Variants in SBK3 observed in about 807,000 individuals in gnomAD.
SBK3 encodes the protein uncharacterized serine/threonine-protein kinase SBK3.
SBK3 carries 16 observed loss-of-function variants against 12.7 expected under a neutral mutation model. The observed-to-expected ratio is 1.26, with a 90% CI of 0.86 to 1.92. The LOEUF (loss-of-function observed/expected upper bound fraction) is 1.92. Among genes scored for constraint, SBK3 ranks in the 40% most tolerant of loss-of-function variants. The pLI is 0.00. For synonymous variants in SBK3, 217 were observed against 213.6 expected (o/e 1.02, Z -0.14); for missense variants, 462 against 481.8 (o/e 0.96, Z 0.38).
In SBK3 at chr19:55,545,478, C is replaced by T. The variant is rs970944278; in HGVS notation, c.45+21G>A. The T allele has an allele frequency of 8.6e-6, 13 of 1,518,762 alleles. No homozygotes were observed. Among genetic ancestry groups the T allele is most frequent in the Non-Finnish European group, 1.1e-5 (12 of 1,132,014 alleles). The allele number at this position is 1,518,762 out of a possible 1,614,324, so 94.1% of individuals were successfully genotyped here. On this transcript the variant is annotated intron_variant, in intron 1 of 3. Transcript: ENST00000612221. The surrounding 1 kb of genome is among the most constrained non-coding windows in gnomAD (Gnocchi z 4.4). Reference sequence around the variant, plus strand: ...CCTTCTTTTCTCTCTCTGTCTTCCTCCCCTGGCTCCCGTCTCTCACCTCTG... The same window carrying T: ...CCTTCTTTTCTCTCTCTGTCTTCCTTCCCTGGCTCCCGTCTCTCACCTCTG...
chr19:55,544,274 A>T lies in SBK3; in HGVS notation c.225T>A (p.Arg75=). 6.5e-7 allele frequency: 1 copy of T among 1,535,964 alleles called. No individual in the cohort carries two copies. The highest frequency in any genetic ancestry group is 2.4e-5 in the East Asian group (1 of 40,912). ...AGGTGCTTCTCAGGACCAAATCCCGACGCAGGAGCTTCAGAGCCACAGCTG... is the reference window on the plus strand; with the variant it reads ...AGGTGCTTCTCAGGACCAAATCCCGTCGCAGGAGCTTCAGAGCCACAGCTG... ...GGPAVALKLL[R]RDLVLRSTFL... The change falls in exon 3 of 4, where the codon CGT becomes CGA. Residue 75 remains arginine, a synonymous_variant. Transcript: ENST00000612221.
In SBK3 at chr19:55,544,870, T is replaced by C. The variant is rs1988637785; in HGVS notation, c.125A>G (p.Gln42Arg). The C allele has an allele frequency of 6.5e-7, 1 of 1,534,384 alleles. No homozygotes were observed. Residue 42 changes from glutamine (Q) to arginine (R), a missense_variant, in exon 2 of 4, where the codon CAG becomes CGG. Transcript: ENST00000612221. Reference sequence around the variant, plus strand: ...GCCCAGCTTCCGGATGAGGTGGTACTGGTCCCGAAGGCTCCTCACCGGGGT... The same window carrying C: ...GCCCAGCTTCCGGATGAGGTGGTACCGGTCCCGAAGGCTCCTCACCGGGGT... ...RVTPVRSLRDQYHLIRKLGSG... is the reference protein window; with the variant it reads ...RVTPVRSLRDRYHLIRKLGSG...
Position 55,540,921 on chromosome 19 carries a change from G to A in SBK3, c.1005C>T (p.Ser335=). The part of the protein sequence containing the change: ...SYEDREEGGS[S]LEEWTDEGDD... The stretch of plus-strand genomic sequence containing the variant: ...CACCCTCATCTGTCCACTCCTCCAG[G>A]CTTGAGCCTCCCTCCTCCCTGTCCT... The change falls in exon 4 of 4, where the codon AGC becomes AGT. Residue 335 remains serine (S), a synonymous_variant. Coordinates refer to ENST00000612221, the MANE Select transcript of SBK3 (RefSeq NM_001199824.2). The A allele has an allele frequency of 6.5e-7, 1 of 1,536,126 alleles. No homozygotes were observed. The highest frequency in any genetic ancestry group is 8.7e-7 in the Non-Finnish European group (1 of 1,146,888).
At position 55,545,043 on chromosome 19, in the gene SBK3, T is replaced by TG. The variant is rs1229255816; in HGVS notation, c.46-95dup. 4 of 953,954 alleles carry TG rather than the reference T, an allele frequency of 4.2e-6. No individual in the cohort carries two copies. In the East Asian group the frequency reaches 1.1e-4, roughly 26 times the overall value. The allele number at this position is 953,954 out of a possible 1,614,324, so 59.1% of individuals were successfully genotyped here. A position where few individuals can be genotyped will look rare whatever the true frequency, so the allele number is the denominator to read the frequency against. ...CACGGCGCAGCCCCAGGATGGAGGG[T>TG]GGGGCAGGGGACAGGGGTCACTGTC... On this transcript the variant is annotated intron_variant, in intron 1 of 3. Transcript: ENST00000612221. The surrounding 1 kb of genome is among the most constrained non-coding windows in gnomAD (Gnocchi z 4.4).
At position 55,544,761 on chromosome 19, in the gene SBK3, G is replaced by T. The variant is rs577735957; in HGVS notation, c.196+38C>A. 4 of 1,453,662 alleles carry T rather than the reference G, an allele frequency of 2.8e-6. No homozygotes were observed. In the South Asian group the frequency reaches 5.5e-5, roughly 20 times the overall value. The allele number at this position is 1,453,662 out of a possible 1,614,324, so 90.0% of individuals were successfully genotyped here. A position where few individuals can be genotyped will look rare whatever the true frequency, so the allele number is the denominator to read the frequency against. ...TGGCTTCCGAGAATGCTTATTGTGG[G>T]GCAGTTGGGGAGGCTGCCCTTGGGT... is the stretch of plus-strand genomic sequence containing the variant. On this transcript the variant is annotated intron_variant, in intron 2 of 3. Transcript: ENST00000612221.
In SBK3 at chr19:55,541,246, C is replaced by T; in HGVS notation, c.680G>A (p.Gly227Asp). Residue 227 changes from glycine (G) to aspartate (D), a missense_variant, in exon 4 of 4, where the codon GGC becomes GAC. Transcript: ENST00000612221. The surrounding 1 kb of genome is among the most constrained non-coding windows in gnomAD (Gnocchi z 5.3). ...LPLRPAVDSWGLGVLLFCAAT... is the reference protein window; with the variant it reads ...LPLRPAVDSWDLGVLLFCAAT... ...AGCACAGAAGAGAAGCACCCCCAGG[C>T]CCCAGGAGTCCACGGCTGGCCGCAG... The T allele has an allele frequency of 6.5e-7, 1 of 1,536,054 alleles. No individual in the cohort carries two copies. The highest frequency in any genetic ancestry group is 8.7e-7 in the Non-Finnish European group (1 of 1,146,880).
intron 3 of SBK3, 77 bp downstream of exon 3, chr19:55,544,023 T>C: frequency 7.9e-7 from 1 of 1,269,492 alleles, no homozygotes; most frequent in Non-Finnish European, 1.0e-6. Context: ...GGGGTCAGAG[T>C]TGGAGACAGA....
rs1397018504 is a variant in SBK3, at chr19:55,544,852, T to G, written c.143A>C (p.Lys48Thr). 16 of 1,532,640 alleles carry G rather than the reference T, an allele frequency of 1.0e-5. No individual in the cohort carries two copies. The highest frequency in any genetic ancestry group is 1.4e-5 in the Non-Finnish European group (16 of 1,145,588). 94.9% of individuals were successfully genotyped at this position (1,532,640 alleles called of 1,614,324 possible). A position where few individuals can be genotyped will look rare whatever the true frequency, so the allele number is the denominator to read the frequency against. Residue 48 changes from lysine to threonine, a missense_variant, in exon 2 of 4, where the codon AAG (lysine) becomes ACG (threonine). By Grantham distance (78) the Lys-to-Thr change is moderately conservative (BLOSUM62 -1). Transcript: ENST00000612221. Reference sequence around the variant, plus strand: ...GCGGCCGTAGGAGCCGGAGCCCAGCTTCCGGATGAGGTGGTACTGGTCCCG... The same window carrying G: ...GCGGCCGTAGGAGCCGGAGCCCAGCGTCCGGATGAGGTGGTACTGGTCCCG... ...SLRDQYHLIR[K>T]LGSGSYGRVL...
In SBK3 at chr19:55,545,436, G is replaced by T; in HGVS notation, c.45+63C>A. 2 of 1,311,772 alleles carry T rather than the reference G, an allele frequency of 1.5e-6. No individual in the cohort carries two copies. The highest frequency in any genetic ancestry group is 1.3e-5 in the South Asian group (1 of 78,362). 81.3% of individuals were successfully genotyped at this position (1,311,772 alleles called of 1,614,324 possible). The stretch of plus-strand genomic sequence containing the variant: ...TTCTCTTCCTCTCTCTCCCCGTGTT[G>T]CCTCCTGCCTCTCTCTCCTTCTTTT... On this transcript the variant is annotated intron_variant, in intron 1 of 3. Coordinates refer to ENST00000612221, the MANE Select transcript of SBK3 (RefSeq NM_001199824.2). The surrounding 1 kb of genome is among the most constrained non-coding windows in gnomAD (Gnocchi z 4.4).
rs1436892066 is a variant in SBK3 at position 55,545,504 on chromosome 19, G to A, written c.40C>T (p.Pro14Ser). 1 of 1,532,956 alleles carries A rather than the reference G, an allele frequency of 6.5e-7. No homozygotes were observed. Among genetic ancestry groups the A allele is most frequent in the South Asian group, 1.2e-5 (1 of 83,816 alleles). The allele number at this position is 1,532,956 out of a possible 1,614,324, so 95.0% of individuals were successfully genotyped here. A position where few individuals can be genotyped will look rare whatever the true frequency, so the allele number is the denominator to read the frequency against. Reference protein sequence around the residue: ...RASETPEDGDPEEDTATALQR... With the variant: ...RASETPEDGDSEEDTATALQR... ...CCCTGGCTCCCGTCTCTCACCTCTG[G>A]GTCCCCATCCTCAGGGGTCTCGGAG... The change falls in exon 1 of 4, where the codon CCA becomes TCA. Residue 14 changes from proline to serine, a missense_variant. Pro to Ser is a moderately conservative substitution (Grantham distance 74). Coordinates refer to ENST00000612221, the MANE Select transcript of SBK3 (RefSeq NM_001199824.2). The surrounding 1 kb of genome is among the most constrained non-coding windows in gnomAD (Gnocchi z 4.4).
chr19:55,542,444 C>T (rs1407837237), intron 3 of SBK3, among the ~76,000 whole-genome samples: 1 of 149,234 alleles, frequency 6.7e-6, no homozygotes, highest in Non-Finnish European at 1.5e-5. Context: ...ATCCATCCAC[C>T]ACTCACTCAC....
In SBK3 at chr19:55,541,540, G is replaced by C. The variant is rs1350250998; in HGVS notation, c.400-14C>G. 6.7e-7 allele frequency: 1 copy of C among 1,491,788 alleles called. No individual in the cohort carries two copies. Among genetic ancestry groups the C allele is most frequent in the East Asian group, 2.5e-5 (1 of 40,338 alleles). The allele number at this position is 1,491,788 out of a possible 1,614,324, so 92.4% of individuals were successfully genotyped here. A position where few individuals can be genotyped will look rare whatever the true frequency, so the allele number is the denominator to read the frequency against. ...TTCTGGGAGGCCCTGAGGTCAAGAA[G>C]ACAGGAGGAGGGTCAGAGTGTCTTG... is the stretch of plus-strand genomic sequence containing the variant. On this transcript the variant is annotated splice_polypyrimidine_tract_variant and intron_variant, in intron 3 of 3. Transcript: ENST00000612221. The surrounding 1 kb of genome is among the most constrained non-coding windows in gnomAD (Gnocchi z 5.3).
Position 55,541,132 on chromosome 19 carries a change from G to A in SBK3, c.794C>T (p.Pro265Leu). 6.5e-7 allele frequency: 1 copy of A among 1,535,802 alleles called. No homozygotes were observed. Among genetic ancestry groups the A allele is most frequent in the African/African-American group, 1.4e-5 (1 of 73,148 alleles). Residue 265 changes from proline to leucine, a missense_variant, in exon 4 of 4, where the codon CCA becomes CTA. Pro to Leu is a moderately conservative substitution (Grantham distance 98). Coordinates refer to ENST00000612221, the MANE Select transcript of SBK3 (RefSeq NM_001199824.2). This position sits in a 1 kb window ranked among gnomAD's most constrained non-coding sequence, Gnocchi z 5.3. The part of the protein sequence containing the change: ...FAGWVTTKPQ[P>L]PQPPPPWDQF... ...GTCCCAGGGTGGTGGTGGCTGAGGT[G>A]GCTGAGGCTTGGTGGTCACCCAGCC...
chr19:55,544,653 A>G (rs1039926087), intron 2 of SBK3, 146 bp downstream of exon 2: 1 of 827,834 alleles, frequency 1.2e-6, no homozygotes, highest in Non-Finnish European at 1.8e-6. Flanking sequence ...GTTTCTCAGA[A>G]GATCCCAGAG....
Position 55,544,160 on chromosome 19 carries a change from A to C in SBK3, c.339T>G (p.Tyr113Ter). The C allele has an allele frequency of 6.5e-7, 1 of 1,535,226 alleles. No homozygotes were observed. The highest frequency in any genetic ancestry group is 8.7e-7 in the Non-Finnish European group (1 of 1,146,554). Residue 113 changes from tyrosine (Y) to a stop codon, truncating the protein, a stop_gained, in exon 3 of 4, where the codon TAT (tyrosine) becomes TAG (stop). Transcript: ENST00000612221. LOFTEE classifies it high-confidence loss of function. ...TLAGPLQTPR[Y>*]FAFAQEYAPC... is the part of the protein sequence containing the mutation. ...GCGCGTACTCCTGGGCGAAGGCAAA[A>C]TAGCGGGGGGTCTGTAGGGGTCCTG...
At position 55,545,413 on chromosome 19, in the gene SBK3, C is replaced by T; in HGVS notation, c.45+86G>A. 1 of 1,107,146 alleles carries T rather than the reference C, an allele frequency of 9.0e-7. No homozygotes were observed. The highest frequency in any genetic ancestry group is 1.3e-6 in the Non-Finnish European group (1 of 770,450). 68.6% of individuals were successfully genotyped at this position (1,107,146 alleles called of 1,614,324 possible). A position where few individuals can be genotyped will look rare whatever the true frequency, so the allele number is the denominator to read the frequency against. On this transcript the variant is annotated intron_variant, in intron 1 of 3. Transcript: ENST00000612221. The surrounding 1 kb of genome is among the most constrained non-coding windows in gnomAD (Gnocchi z 4.4). ...CTTTGCGTTTCCCTGTTTTCTGTTT[C>T]TCTTCCTCTCTCTCCCCGTGTTGCC...
Position 55,541,354 on chromosome 19 carries a change from C to A in SBK3, c.572G>T (p.Gly191Val). 1 of 1,535,196 alleles carries A rather than the reference C, an allele frequency of 6.5e-7. No individual in the cohort carries two copies. Among genetic ancestry groups the A allele is most frequent in the South Asian group, 1.2e-5 (1 of 84,008 alleles). ...CACTGGTGGGGCGGGGGTCGGGCTGCCCTCTGGCCGGGTCAGACCCAGGTC... is the reference window on the plus strand; with the variant it reads ...CACTGGTGGGGCGGGGGTCGGGCTGACCTCTGGCCGGGTCAGACCCAGGTC... ...LGDLGLTRPE[G>V]SPTPAPPVPL... The change falls in exon 4 of 4, where the codon GGC becomes GTC. Residue 191 changes from glycine to valine, a missense_variant. Physicochemically the swap from Gly to Val is moderately radical, Grantham distance 109 (BLOSUM62 -3). Transcript: ENST00000612221. The surrounding 1 kb of genome is among the most constrained non-coding windows in gnomAD (Gnocchi z 5.3).
intron 1 of SBK3, 24 bp from the exon 2 acceptor site, chr19:55,544,973 G>A: frequency 1.3e-6 from 2 of 1,511,238 alleles, no homozygotes; most frequent in Non-Finnish European, 1.8e-6. Flanking sequence ...GCAGGGTGAG[G>A]AGGGGGCGCG....
In SBK3 at chr19:55,540,860, C is replaced by A. The variant is rs765475318; in HGVS notation, c.1066G>T (p.Gly356Trp). The A allele has an allele frequency of 2.0e-6, 3 of 1,536,092 alleles. No homozygotes were observed. In the South Asian group the frequency reaches 3.6e-5, roughly 18 times the overall value. Reference sequence around the variant, plus strand: ...CTGTCACCTGGTCAGGGAGCTCCCCCATCTGTCCCCGTCCTCCCACCACTT... The same window carrying A: ...CTGTCACCTGGTCAGGGAGCTCCCCAATCTGTCCCCGTCCTCCCACCACTT... Reference protein sequence around the residue: ...SKSGGRTGTDGGAP With the variant: ...SKSGGRTGTDWGAP Residue 356 changes from glycine (G) to tryptophan (W), a missense_variant, in exon 4 of 4, where the codon GGG becomes TGG. By Grantham distance (184) the Gly-to-Trp change is radical (BLOSUM62 -2). Coordinates refer to ENST00000612221, the MANE Select transcript of SBK3 (RefSeq NM_001199824.2).
Sources: gnomAD v4.1 joint callset for allele counts (sites outside exome capture counted in the v4.1 genomes callset) on GRCh38, gnomAD v4.1.1 for gene constraint, Gnocchi (gnomAD v3.1) non-coding constraint, MANE v1.5 for transcripts, NCBI Gene and HGNC (gene_info 2026-07-23, HGNC 2026-07-21) for gene names.